Variants in MALRD1 observed in about 807,000 individuals in gnomAD.
The protein encoded by MALRD1 is MAM and LDL receptor class A domain containing 1, also known as MAM and LDL-receptor class A domain-containing protein 1.
MALRD1 carries 247 observed loss-of-function variants against 242.1 expected under a neutral mutation model. The observed-to-expected ratio is 1.02, with a 90% confidence interval of 0.92 to 1.13. The LOEUF is 1.13. Ranked by LOEUF, MALRD1 falls within the 50% of genes most tolerant of loss-of-function variation. The pLI is 0.00. For synonymous variants in MALRD1, 995 were observed against 866.6 expected (o/e 1.15, Z -2.60); for missense variants, 2,989 against 2,533.1 (o/e 1.18, Z -3.86).
chr10:19,530,408 T>TAAATTTATATAAATATTTATATAA (rs58374618), intron 31 of MALRD1, among the ~76,000 whole-genome samples: 1 of 71,126 alleles, frequency 1.4e-5, no homozygotes, highest in African/African-American at 6.2e-5. Context: ...ATATTATATA[T>TAAATTTATATAAATATTTATATAA]TTATATAATA....
At chr10:19,180,441 A>T (rs554853890) in intron 14 of MALRD1, among the ~76,000 whole-genome samples, 28 of 152,364 alleles carry the variant, frequency 1.8e-4, no homozygotes, top group Non-Finnish European at 3.8e-4. Flanking sequence ...ATAAGTTTTG[A>T]CAAAGGCACC....
chr10:19,406,842 A>AG (rs1847138470), intron 28 of MALRD1, among the ~76,000 whole-genome samples: 1 of 152,224 alleles, frequency 6.6e-6, no homozygotes, highest in East Asian at 1.9e-4. Flanking sequence ...CTCTTTAGTG[A>AG]GAAAAAATAC....
chr10:19,539,883 TGTGTGTGTGTGTGTGCGC>T lies in MALRD1; in HGVS notation c.5478+8534_5478+8551del, dbSNP rs1165921655. ...GTGTGTGTGTGTGTGTGTGTGTGTG[TGTGTGTGTGTGTGTGCGC>T]GCGCGCGTGCGCGCACACACGCGCA... On this transcript the variant is annotated intron_variant, in intron 32 of 39. Coordinates refer to ENST00000454679, the MANE Select transcript of MALRD1 (RefSeq NM_001142308.3). Among the ~76,000 whole-genome samples, 3 of 81,518 alleles carry T rather than the reference TGTGTGTGTGTGTGTGCGC, an allele frequency of 3.7e-5. No homozygotes were observed. The Admixed American group carries it at 4.5e-4, about 12-fold the overall frequency. The allele number at this position is 81,518 out of a possible 152,430, so 53.5% of individuals were successfully genotyped here. A position where few individuals can be genotyped will look rare whatever the true frequency, so the allele number is the denominator to read the frequency against.
chr10:19,230,215 T>G, intron 18 of MALRD1, among the ~76,000 whole-genome samples: 1 of 152,174 alleles, frequency 6.6e-6, no homozygotes, highest in East Asian at 1.9e-4. Context: ...TGGGTATGTC[T>G]TCATCAGCAG....
rs527890902 is a variant in MALRD1, at chr10:19,250,829, C to G, written c.2992-6855C>G. Among the ~76,000 whole-genome samples, 4 of 152,072 alleles carry G rather than the reference C, an allele frequency of 2.6e-5. No homozygotes were observed. In the East Asian group the frequency reaches 7.7e-4, roughly 29 times the overall value. On this transcript the variant is annotated intron_variant, in intron 18 of 39. Coordinates refer to ENST00000454679, the MANE Select transcript of MALRD1 (RefSeq NM_001142308.3). ...ATCCTCCGTCTCTCTGCCTCTCTCT[C>G]TCTCTCAATGTGTGTATTCTCTTTC...
At chr10:19,257,975 G>A (rs1399716062) in intron 19 of MALRD1, among the ~76,000 whole-genome samples, 1 of 152,064 alleles carries the variant, frequency 6.6e-6, no homozygotes, top group African/African-American at 2.4e-5. Flanking sequence ...CAAGATGTTT[G>A]AATCACTTAT....
Position 19,531,933 on chromosome 10 carries a change from A to T in MALRD1, c.5478+582A>T, listed in dbSNP as rs184230120. ...ATTTTAAGATCTTGGTTTCTAATTA[A>T]ATGGTTACATATCAGCACACCACAC... On this transcript the variant is annotated intron_variant, in intron 32 of 39. Transcript: ENST00000454679. Among the ~76,000 whole-genome samples, 53 of 152,298 alleles carry T rather than the reference A, an allele frequency of 3.5e-4. No individual in the cohort carries two copies. The South Asian group carries it at 0.011, about 31-fold the overall frequency.
chr10:19,608,319 G>A (rs548810508), intron 35 of MALRD1, among the ~76,000 whole-genome samples: 25 of 151,858 alleles, frequency 1.6e-4, no homozygotes, highest in African/African-American at 6.0e-4. Context: ...GCATAATCTA[G>A]TTACATATTT....
At chr10:19,251,017 T>C (rs1020744940) in intron 18 of MALRD1, among the ~76,000 whole-genome samples, 1 of 151,948 alleles carries the variant, frequency 6.6e-6, no homozygotes, top group African/African-American at 2.4e-5. Flanking sequence ...GAAAAGGCTT[T>C]GTGGGCAAGC....
chr10:19,391,281 A>G (rs986800661), intron 28 of MALRD1, among the ~76,000 whole-genome samples: 1 of 152,124 alleles, frequency 6.6e-6, no homozygotes, highest in Non-Finnish European at 1.5e-5. Flanking sequence ...GTACTTAGTC[A>G]CGTTGATTGT....
Position 19,328,258 on chromosome 10 carries a change from G to T in MALRD1, c.3687+585G>T, listed in dbSNP as rs975197638. 4.6e-5 allele frequency among the ~76,000 whole-genome samples: 7 copies of T among 152,194 alleles called. No homozygotes were observed. The East Asian group carries it at 1.4e-3, about 29-fold the overall frequency. ...AAATAAGCATGTGCTGAAATGTTTG[G>T]CACAAAGCATATTTCTTATGGATTA... On this transcript the variant is annotated intron_variant, in intron 23 of 39. Transcript: ENST00000454679.
intron 28 of MALRD1, among the ~76,000 whole-genome samples, chr10:19,413,682 GT>G (rs776427899): frequency 6.6e-6 from 1 of 151,638 alleles, no homozygotes; most frequent in Non-Finnish European, 1.5e-5. Flanking sequence ...AGCCAGTGAG[GT>G]TTTTTTTAAA....
At chr10:19,124,479 C>A (rs1236214445) in intron 6 of MALRD1, 45 bp from the exon 7 acceptor site, 1 of 1,232,938 alleles carries the variant, frequency 8.1e-7, no homozygotes, top group East Asian at 3.2e-5. Context: ...TAAGCAGCCA[C>A]TCTAGCAGAC....
intron 18 of MALRD1, among the ~76,000 whole-genome samples, chr10:19,237,339 C>G (rs1838365522): frequency 6.7e-6 from 1 of 148,322 alleles, no homozygotes; most frequent in African/African-American, 2.5e-5. Flanking sequence ...CTCTACTTCT[C>G]TATTAACATT....
chr10:19,704,619 A>G (rs1589423239), intron 38 of MALRD1, among the ~76,000 whole-genome samples: 2 of 152,204 alleles, frequency 1.3e-5, no homozygotes, highest in East Asian at 1.9e-4. Flanking sequence ...GGAAATTATA[A>G]GATGTGAAAG....
chr10:19,641,705 A>T (rs1010949711), intron 36 of MALRD1, among the ~76,000 whole-genome samples: 1 of 152,190 alleles, frequency 6.6e-6, no homozygotes, highest in Non-Finnish European at 1.5e-5. Context: ...TTATAATATA[A>T]TGTGAGCTTG....
intron 29 of MALRD1, among the ~76,000 whole-genome samples, chr10:19,451,394 G>T (rs1468024696): frequency 6.6e-6 from 1 of 151,896 alleles, no homozygotes; most frequent in African/African-American, 2.4e-5. Flanking sequence ...TAAATGAGAA[G>T]TATAACTACA....
chr10:19,431,398 A>T (rs2496103), intron 28 of MALRD1, among the ~76,000 whole-genome samples: 96,911 of 151,922 alleles, frequency 0.64, 31,066 homozygotes, highest in Middle Eastern at 0.7. Flanking sequence ...TTAAGGAAAT[A>T]CAAAATAGCT....
intron 4 of MALRD1, among the ~76,000 whole-genome samples, chr10:19,103,229 G>A (rs970583355): frequency 1.3e-5 from 2 of 151,904 alleles, no homozygotes; most frequent in African/African-American, 4.8e-5. Context: ...TGTGCAATAG[G>A]TTAGCATGAG....
Sources: allele counts gnomAD v4.1 joint callset (sites outside exome capture counted in the v4.1 genomes callset), GRCh38; gene constraint gnomAD v4.1.1; transcripts MANE v1.5; gene names NCBI Gene and HGNC (gene_info 2026-07-23, HGNC 2026-07-21).